The following ANKRD30B variants were observed in gnomAD, a reference collection of about 807,000 sequenced individuals.
The protein encoded by ANKRD30B is ankyrin repeat domain-containing protein 30B.
ANKRD30B carries 144 observed loss-of-function variants against 202.2 expected under a neutral mutation model. That is an observed-to-expected ratio of 0.71 (90% CI 0.62 to 0.82). ANKRD30B has a LOEUF of 0.82. Ranked by LOEUF, ANKRD30B falls within the 40% of genes least tolerant of loss-of-function variation. The pLI, the probability that ANKRD30B is intolerant of heterozygous loss-of-function variation, is 0.00. For missense variants in ANKRD30B, 1,487 were observed against 1,669.1 expected (o/e 0.89, Z 1.90); for synonymous variants, 508 against 561.3 (o/e 0.91, Z 1.34).
intron 40 of ANKRD30B, among the ~76,000 whole-genome samples, chr18:14,849,595 A>G (rs79990548): frequency 6.6e-6 from 1 of 151,712 alleles, no homozygotes; most frequent in Non-Finnish European, 1.5e-5. Flanking sequence ...TTAATTAAAT[A>G]TTTATACTTT....
At chr18:14,775,928 C>T (rs1047905726) in intron 9 of ANKRD30B, among the ~76,000 whole-genome samples, 15 of 152,210 alleles carry the variant, frequency 9.9e-5, no homozygotes, top group Non-Finnish European at 1.8e-4. Flanking sequence ...ATATCTACCT[C>T]TTAGTTGCAT....
chr18:14,803,118 ATTTCT>A (rs150262761), intron 23 of ANKRD30B, among the ~76,000 whole-genome samples: 23 of 50 alleles, frequency 0.46, no homozygotes, highest in Non-Finnish European at 0.5. Flanking sequence ...ACATGACATA[ATTTCT>A]TTTCTTACTG....
rs1373527558 is a variant in ANKRD30B, at chr18:14,757,838, G to A, written c.641G>A (p.Cys214Tyr). 1.2e-6 allele frequency: 2 copies of A among 1,613,606 alleles called. No individual in the cohort carries two copies. Among genetic ancestry groups the A allele is most frequent in the East Asian group, 4.5e-5 (2 of 44,874 alleles). ...SKCTALMLAI[C>Y]EGSSEIVGML... ...AGCACAGCCCTCATGCTTGCCATAT[G>A]TGAAGGCTCATCAGAGATAGTCGGC... Residue 214 changes from cysteine to tyrosine, a missense_variant, in exon 5 of 44, where the codon TGT (cysteine) becomes TAT (tyrosine). Cys to Tyr is a radical substitution (Grantham distance 194). This residue lies in a region of ANKRD30B where 889 missense variants were observed against 841.4 expected (regional missense o/e 1.06). Transcript: ENST00000690538.
chr18:14,860,344 G>T, the ANKRD30B span, among the ~76,000 whole-genome samples: 7 of 120,842 alleles, frequency 5.8e-5, no homozygotes, highest in Admixed American at 5.1e-4. Context: ...TCACTTCCCA[G>T]ACAGGGCTGC....
At chr18:14,749,599 A>C (rs561161630) in intron 1 of ANKRD30B, among the ~76,000 whole-genome samples, 5 of 140,218 alleles carry the variant, frequency 3.6e-5, no homozygotes, top group African/African-American at 1.3e-4. Context: ...TCAACCTGGT[A>C]GGTGGAGGTT....
At chr18:14,777,729 G>A (rs962284687) in intron 9 of ANKRD30B, among the ~76,000 whole-genome samples, 2 of 151,634 alleles carry the variant, frequency 1.3e-5, no homozygotes, top group African/African-American at 4.8e-5. Flanking sequence ...ATCACTTGAG[G>A]TCAGGAGTTC....
intron 7 of ANKRD30B, among the ~76,000 whole-genome samples, chr18:14,767,779 T>C (rs1281353914): frequency 1.3e-5 from 2 of 152,188 alleles, no homozygotes; most frequent in Non-Finnish European, 2.9e-5. Context: ...GTCTTTATAT[T>C]TCATCATACT....
At chr18:14,757,553 T>A (rs1293650214) in intron 4 of ANKRD30B, among the ~76,000 whole-genome samples, 1 of 152,200 alleles carries the variant, frequency 6.6e-6, no homozygotes, top group Non-Finnish European at 1.5e-5. Flanking sequence ...CCTTAAATCT[T>A]TGCCTCTTTT....
chr18:14,881,434 ACTTG>A, the ANKRD30B span, among the ~76,000 whole-genome samples: 1 of 152,118 alleles, frequency 6.6e-6, no homozygotes, highest in Non-Finnish European at 1.5e-5. Flanking sequence ...TATGAAACAC[ACTTG>A]ATCATGGTGG....
chr18:14,757,730 A>G, intron 4 of ANKRD30B, 85 bp from the exon 5 acceptor site: 2 of 1,380,850 alleles, frequency 1.4e-6, no homozygotes, highest in Non-Finnish European at 2.0e-6. Flanking sequence ...TATGTTTGTT[A>G]GTACATGTAA....
the ANKRD30B span, among the ~76,000 whole-genome samples, chr18:14,880,815 T>A: frequency 3.0e-4 from 46 of 152,308 alleles, no homozygotes; most frequent in African/African-American, 9.9e-4. Context: ...TCCTCAGTTT[T>A]GTTGTTTTAT....
intron 18 of ANKRD30B, among the ~76,000 whole-genome samples, 166 bp from the exon 19 acceptor site, chr18:14,797,495 C>A (rs769812201): frequency 6.6e-6 from 1 of 152,162 alleles, no homozygotes; most frequent in Non-Finnish European, 1.5e-5. Context: ...GGTCTCCCTA[C>A]AGTTGGCATG....
At chr18:14,817,868 CT>C (rs199856961) in intron 30 of ANKRD30B, among the ~76,000 whole-genome samples, 2 of 151,986 alleles carry the variant, frequency 1.3e-5, no homozygotes, top group Non-Finnish European at 2.9e-5. Flanking sequence ...ATTTTAAGCA[CT>C]TTTTTTATAA....
At chr18:14,859,110 C>A (rs574159782), downstream of ANKRD30B, among the ~76,000 whole-genome samples, 1 of 136,844 alleles carries the variant, frequency 7.3e-6, no homozygotes, top group Non-Finnish European at 1.6e-5. Context: ...GGTGGCCGGG[C>A]AGAGGCGCTC....
intron 9 of ANKRD30B, among the ~76,000 whole-genome samples, chr18:14,773,881 C>T (rs369355467): frequency 6.6e-6 from 1 of 152,126 alleles, no homozygotes; most frequent in Admixed American, 6.5e-5. Context: ...ATCTCTATCT[C>T]TTGACCTCAT....
In ANKRD30B at chr18:14,834,258, T is replaced by C. The variant is rs193057353; in HGVS notation, c.2847+2803T>C. 1.7e-3 allele frequency among the ~76,000 whole-genome samples: 254 copies of C among 152,236 alleles called. 1 individual carries two copies. The highest frequency in any genetic ancestry group is 3.0e-3 in the Admixed American group (46 of 15,286). On this transcript the variant is annotated intron_variant, in intron 34 of 43. Transcript: ENST00000690538. The stretch of plus-strand genomic sequence containing the variant: ...ATGTAATTTTAAAATTTTAATTATT[T>C]CTACAGTACTATAAACTGTGTAAGA...
At chr18:14,839,738 A>C (rs1232521585) in intron 36 of ANKRD30B, among the ~76,000 whole-genome samples, 1 of 152,222 alleles carries the variant, frequency 6.6e-6, no homozygotes, top group Non-Finnish European at 1.5e-5. Flanking sequence ...GTTCTGTATC[A>C]GCAAAAAAGA....
chr18:14,791,589 T>C, intron 16 of ANKRD30B, 98 bp downstream of exon 16: 1 of 906,998 alleles, frequency 1.1e-6, no homozygotes, highest in Non-Finnish European at 1.7e-6. Flanking sequence ...ATTACCTCCT[T>C]AATGCAAAGC....
At chr18:14,827,416 T>C (rs1970711970) in intron 32 of ANKRD30B, among the ~76,000 whole-genome samples, 1 of 152,148 alleles carries the variant, frequency 6.6e-6, no homozygotes, top group Non-Finnish European at 1.5e-5. Context: ...GATTTGCAAC[T>C]GGTGTGTGAG....
Sources: gnomAD v4.1 joint callset for allele counts (sites outside exome capture counted in the v4.1 genomes callset) on GRCh38, gnomAD v4.1.1 for gene constraint, gnomAD v4.1.1 regional missense constraint, MANE v1.5 for transcripts, NCBI Gene and HGNC (gene_info 2026-07-23, HGNC 2026-07-21) for gene names.